Variants in TRIM14 observed in about 807,000 individuals in gnomAD.
The protein encoded by TRIM14 is tripartite motif containing 14, also known as tripartite motif-containing protein 14.
A neutral mutation model predicts 44.5 loss-of-function variants in TRIM14; 28 were observed. The ratio of observed to expected loss-of-function variants is 0.63; its 90% CI spans 0.47 to 0.86. TRIM14 has a LOEUF of 0.86. Ranked by LOEUF, TRIM14 falls within the 40% of genes least tolerant of loss-of-function variation. The probability of loss-of-function intolerance (pLI) is 0.00; values close to 1 mark genes in which losing one functional copy is unlikely to be tolerated. For missense variants in TRIM14, 607 were observed against 611.1 expected (o/e 0.99, Z 0.07); for synonymous variants, 299 against 269.2 (o/e 1.11, Z -1.08).
chr9:98,078,309 C>T, intron 6 of TRIM14: 1 of 1,613,956 alleles, frequency 6.2e-7, no homozygotes, highest in South Asian at 1.1e-5. Flanking sequence ...CAGCGCATAC[C>T]CGCTCCAGCC....
At chr9:98,094,754 A>G in intron 4 of TRIM14, 113 bp downstream of exon 4, 1 of 1,317,908 alleles carries the variant, frequency 7.6e-7, no homozygotes. Flanking sequence ...CCGCCCAGCC[A>G]AGGGCCTCAG....
intron 6 of TRIM14, among the ~76,000 whole-genome samples, chr9:98,073,722 GAC>G (rs2117883216): frequency 6.6e-6 from 1 of 152,100 alleles, no homozygotes; most frequent in African/African-American, 2.4e-5. Flanking sequence ...TGTCCCACAG[GAC>G]ACAGTACAGA....
chr9:98,065,242 A>G (rs1829101881), downstream of TRIM14, among the ~76,000 whole-genome samples: 1 of 151,558 alleles, frequency 6.6e-6, no homozygotes, highest in Admixed American at 6.6e-5. Flanking sequence ...TTTTCAACAG[A>G]GAATTACAAT....
chr9:98,112,532 G>A (rs541808362), intron 1 of TRIM14, among the ~76,000 whole-genome samples: 7 of 152,282 alleles, frequency 4.6e-5, no homozygotes, highest in African/African-American at 1.4e-4. Flanking sequence ...AGGGTGTGGT[G>A]GCTCCTGCCT....
chr9:98,045,835 T>TC, the TRIM14 span, among the ~76,000 whole-genome samples: 1 of 152,296 alleles, frequency 6.6e-6, no homozygotes, highest in South Asian at 2.1e-4. Flanking sequence ...CAGCTGGGGA[T>TC]CATGGTAAGT....
chr9:98,107,773 C>T (rs1486675339), intron 2 of TRIM14, among the ~76,000 whole-genome samples: 1 of 151,894 alleles, frequency 6.6e-6, no homozygotes, highest in Non-Finnish European at 1.5e-5. Flanking sequence ...TTCAAGCGAT[C>T]CTCCCACCTC....
At chr9:98,083,985 G>A (rs557020266), downstream of TRIM14, among the ~76,000 whole-genome samples, 242 of 152,310 alleles carry the variant, frequency 1.6e-3, 2 homozygotes, top group African/African-American at 5.6e-3. Context: ...AGTTAATCAG[G>A]GAGCAGCTGA....
chr9:98,060,953 G>A, the TRIM14 span: 26 of 1,614,022 alleles, frequency 1.6e-5, no homozygotes, highest in African/African-American at 2.1e-4. Flanking sequence ...GCAGAGGTAC[G>A]CCGAGGAGGT....
chr9:98,109,861 T>C lies in TRIM14; in HGVS notation c.303+28A>G, dbSNP rs369740229. 1.0e-5 allele frequency: 16 copies of C among 1,579,984 alleles called. No homozygotes were observed. The African/African-American group carries it at 1.8e-4, about 17-fold the overall frequency. ...CTGGGGGGAAATGTGGGTCTTTCCATGGGTATGAGGAAGAAATGTCCACTT... is the reference window on the plus strand; with the variant it reads ...CTGGGGGGAAATGTGGGTCTTTCCACGGGTATGAGGAAGAAATGTCCACTT... On this transcript the variant is annotated intron_variant, in intron 2 of 5. Transcript: ENST00000341469.
chr9:98,044,824 G>T, the TRIM14 span, among the ~76,000 whole-genome samples: 8 of 152,148 alleles, frequency 5.3e-5, no homozygotes, highest in Admixed American at 6.6e-5. Context: ...TTTAGAATGC[G>T]CCTCTGAGCT....
chr9:98,077,988 G>T (rs1395613099), intron 6 of TRIM14: 2 of 619,870 alleles, frequency 3.2e-6, no homozygotes, highest in Non-Finnish European at 5.5e-6. Flanking sequence ...AACACTGTCG[G>T]GGGGCAGAGG....
the TRIM14 span, among the ~76,000 whole-genome samples, chr9:98,061,510 G>A: frequency 1.4e-5 from 2 of 147,408 alleles, no homozygotes; most frequent in Non-Finnish European, 3.0e-5. Flanking sequence ...GGCCAGGCGC[G>A]GTGTCTCACA....
Position 98,118,994 on chromosome 9 carries a change from C to G in TRIM14, c.195G>C (p.Ala65=). 1 of 1,551,404 alleles carries G rather than the reference C, an allele frequency of 6.4e-7. No homozygotes were observed. The highest frequency in any genetic ancestry group is 8.6e-7 in the Non-Finnish European group (1 of 1,157,968). Residue 65 remains alanine, a synonymous_variant, in exon 1 of 6, where the codon GCG becomes GCC. Transcript: ENST00000341469. ...GHPVGLALEA[A]VHVQKLSQEC... ...CCATCGTCCCCACCTGCACGTGCAC[C>G]GCTGCCTCCAGCGCCAGGCCCACAG...
rs1007937408 is a variant in TRIM14 at position 98,095,761 on chromosome 9, G to A, written c.538-732C>T. On this transcript the variant is annotated intron_variant, in intron 3 of 5. Coordinates refer to ENST00000341469, the MANE Select transcript of TRIM14 (RefSeq NM_014788.4). This position sits in a 1 kb window ranked among gnomAD's most constrained non-coding sequence, Gnocchi z 4.1. ...ACGGTGAAGGTAGTGATGGTGGCATGTGGCACTGAGGGACAGCAGTGGTGG... is the reference window on the plus strand; with the variant it reads ...ACGGTGAAGGTAGTGATGGTGGCATATGGCACTGAGGGACAGCAGTGGTGG... Among the ~76,000 whole-genome samples, 2 of 152,204 alleles carry A rather than the reference G, an allele frequency of 1.3e-5. No individual in the cohort carries two copies. The highest frequency in any genetic ancestry group is 4.8e-5 in the African/African-American group (2 of 41,460).
chr9:98,048,662 A>G, the TRIM14 span, among the ~76,000 whole-genome samples: 4 of 152,232 alleles, frequency 2.6e-5, no homozygotes, highest in African/African-American at 4.8e-5. Context: ...GGCAGGTCAG[A>G]TATTAGGTTT....
intron 6 of TRIM14, chr9:98,078,447 A>G (rs1829692880): frequency 7.1e-7 from 1 of 1,400,250 alleles, no homozygotes; most frequent in East Asian, 2.3e-5. Context: ...CATACTTTAT[A>G]ATTTGAACAT....
chr9:98,085,901 A>G lies in TRIM14; in HGVS notation c.*1569T>C, dbSNP rs1013054860. On this transcript the variant is annotated 3_prime_UTR_variant, in exon 6 of 6. Coordinates refer to ENST00000341469, the MANE Select transcript of TRIM14 (RefSeq NM_014788.4). ...GGCCTCCCACCAAGCACCTATGAAG[A>G]TGCTTTAACAGAATATAACTTCAAA... 4.6e-5 allele frequency: 7 copies of G among 152,200 alleles called. No homozygotes were observed. The highest frequency in any genetic ancestry group is 1.4e-4 in the African/African-American group (6 of 41,436). 9.4% of individuals were successfully genotyped at this position (152,200 alleles called of 1,614,324 possible). A position where few individuals can be genotyped will look rare whatever the true frequency, so the allele number is the denominator to read the frequency against.
the TRIM14 span, among the ~76,000 whole-genome samples, chr9:98,038,326 A>G: frequency 6.6e-6 from 1 of 152,174 alleles, no homozygotes; most frequent in Non-Finnish European, 1.5e-5. Flanking sequence ...TGCTGGGACT[A>G]CAGGCATGAG....
At chr9:98,104,522 G>A (rs1328270975) in intron 2 of TRIM14, among the ~76,000 whole-genome samples, 1 of 151,840 alleles carries the variant, frequency 6.6e-6, no homozygotes, top group East Asian at 1.9e-4. Context: ...TCAGAAAGGG[G>A]TAGAGAGAGA....
Sources: allele counts gnomAD v4.1 joint callset (sites outside exome capture counted in the v4.1 genomes callset), GRCh38; gene constraint gnomAD v4.1.1; non-coding constraint Gnocchi (gnomAD v3.1); transcripts MANE v1.5; gene names NCBI Gene and HGNC (gene_info 2026-07-23, HGNC 2026-07-21).